Variants in USP49 observed in about 807,000 individuals in gnomAD.
USP49 encodes ubiquitin specific peptidase 49.
A neutral mutation model predicts 58.6 loss-of-function variants in USP49; 24 were observed. That is an observed-to-expected ratio of 0.41 (90% CI 0.30 to 0.58). The LOEUF (loss-of-function observed/expected upper bound fraction) is 0.58, where lower values mean the gene tolerates loss of function less well. Among genes scored for constraint, USP49 ranks in the 20% least tolerant of loss-of-function variants. The probability of loss-of-function intolerance (pLI) is 0.30; values close to 1 mark genes in which losing one functional copy is unlikely to be tolerated. For synonymous variants in USP49, 408 were observed against 365.1 expected (o/e 1.12, Z -1.34); for missense variants, 703 against 866.1 (o/e 0.81, Z 2.36).
intron 3 of USP49, among the ~76,000 whole-genome samples, chr6:41,853,318 C>T (rs1336098519): frequency 2.0e-5 from 3 of 152,072 alleles, no homozygotes; most frequent in Non-Finnish European, 4.4e-5. Context: ...TATGAGGTAT[C>T]TAAAGAAGTC....
intron 3 of USP49, among the ~76,000 whole-genome samples, chr6:41,857,607 G>A (rs1219169106): frequency 6.6e-6 from 1 of 152,152 alleles, no homozygotes; most frequent in Non-Finnish European, 1.5e-5. Context: ...CTTTAGCCTG[G>A]GCAACAGAGT....
intron 2 of USP49, among the ~76,000 whole-genome samples, chr6:41,885,424 A>G (rs1002641196): frequency 3.3e-5 from 5 of 152,234 alleles, no homozygotes; most frequent in Non-Finnish European, 7.3e-5. Flanking sequence ...AAGGAAAATA[A>G]TAGCAACCTG....
At chr6:41,891,436 T>C (rs1452096515) in intron 2 of USP49, among the ~76,000 whole-genome samples, 1 of 152,112 alleles carries the variant, frequency 6.6e-6, no homozygotes, top group Non-Finnish European at 1.5e-5. Context: ...ACCTGTAAAA[T>C]GAGAATAGTA....
At chr6:41,828,304 C>T (rs1773577057) in intron 3 of USP49, among the ~76,000 whole-genome samples, 1 of 152,022 alleles carries the variant, frequency 6.6e-6, no homozygotes, top group Admixed American at 6.6e-5. Context: ...AAAAAATTAG[C>T]CAGCCATGGT....
At chr6:41,831,994 C>T (rs750067699) in intron 3 of USP49, among the ~76,000 whole-genome samples, 6 of 152,204 alleles carry the variant, frequency 3.9e-5, no homozygotes, top group Non-Finnish European at 5.9e-5. Context: ...AAAGGCTTTT[C>T]CTGACCATTC....
Position 41,806,755 on chromosome 6 carries a change from A to G in USP49, c.229T>C (p.Tyr77His), listed in dbSNP as rs775582046. 1.7e-5 allele frequency: 27 copies of G among 1,614,118 alleles called. No individual in the cohort carries two copies. In the South Asian group the frequency reaches 2.9e-4, roughly 17 times the overall value. ...TTGAGCACGTAGTCCTTGCACAGGT[A>G]ACAGAACACGTAGAGATCCCGGACT... ...MEVRDLYVFC[Y>H]LCKDYVLNDN... Residue 77 changes from tyrosine to histidine, a missense_variant, in exon 4 of 8, where the codon TAC (tyrosine) becomes CAC (histidine). Transcript: ENST00000682992. This position sits in a 1 kb window ranked among gnomAD's most constrained non-coding sequence, Gnocchi z 5.9.
At chr6:41,840,097 G>A (rs1386464723) in intron 3 of USP49, among the ~76,000 whole-genome samples, 4 of 151,850 alleles carry the variant, frequency 2.6e-5, no homozygotes, top group African/African-American at 9.7e-5. Flanking sequence ...AAAATAGGCC[G>A]GGCACGGTGG....
At chr6:41,805,528 T>C (rs1773096683) in intron 4 of USP49, 100 bp downstream of exon 4, 1 of 1,279,306 alleles carries the variant, frequency 7.8e-7, no homozygotes, top group Admixed American at 2.3e-5. Flanking sequence ...TCACAGCAAA[T>C]GTGGGCTACT....
intron 2 of USP49, among the ~76,000 whole-genome samples, chr6:41,872,010 A>G (rs1317357905): frequency 6.6e-6 from 1 of 152,262 alleles, no homozygotes; most frequent in African/African-American, 2.4e-5. Context: ...ATCAAAAGCT[A>G]AAATTATTTT....
intron 7 of USP49, chr6:41,797,977 C>G (rs1374552327): frequency 3.8e-5 from 9 of 239,332 alleles, no homozygotes; most frequent in Non-Finnish European, 6.1e-5. Context: ...GAGCAATTCT[C>G]CCACCTCAGC....
chr6:41,821,378 C>G (rs1033178666), intron 3 of USP49, among the ~76,000 whole-genome samples: 35 of 152,328 alleles, frequency 2.3e-4, no homozygotes, highest in African/African-American at 8.2e-4. Flanking sequence ...CTGATTATCT[C>G]TGTCTTTGGA....
At chr6:41,872,887 C>CAG in intron 2 of USP49, 1 of 146,406 alleles carries the variant, frequency 6.8e-6, no homozygotes, top group Admixed American at 6.9e-5. Flanking sequence ...GCCTGGGCGA[C>CAG]AGAGAGAGAC....
chr6:41,872,740 T>C (rs968769464), intron 2 of USP49, among the ~76,000 whole-genome samples: 3 of 90,426 alleles, frequency 3.3e-5, no homozygotes, highest in African/African-American at 1.2e-4. Flanking sequence ...CTACTAAAAA[T>C]ACAAAAAAAA....
intron 3 of USP49, among the ~76,000 whole-genome samples, chr6:41,815,652 C>G (rs757464798): frequency 6.6e-6 from 1 of 152,108 alleles, no homozygotes; most frequent in Non-Finnish European, 1.5e-5. Flanking sequence ...CCTGGAGAGG[C>G]TGAATTCTCT....
chr6:41,804,024 A>G lies in USP49; in HGVS notation c.1357-14T>C. ...TATACATGTGACCTAGAATGAAAAGATTGATTTACAGATTATATAACTTCC... is the reference window on the plus strand; with the variant it reads ...TATACATGTGACCTAGAATGAAAAGGTTGATTTACAGATTATATAACTTCC... On this transcript the variant is annotated splice_polypyrimidine_tract_variant and intron_variant, in intron 4 of 7. Coordinates refer to ENST00000682992, the MANE Select transcript of USP49 (RefSeq NM_001286554.2). 1 of 1,610,900 alleles carries G rather than the reference A, an allele frequency of 6.2e-7. No individual in the cohort carries two copies. Among genetic ancestry groups the G allele is most frequent in the East Asian group, 2.2e-5 (1 of 44,876 alleles).
At chr6:41,825,280 A>C (rs1210653143) in intron 3 of USP49, among the ~76,000 whole-genome samples, 1 of 152,188 alleles carries the variant, frequency 6.6e-6, no homozygotes, top group Non-Finnish European at 1.5e-5. Flanking sequence ...GTAGCAGGAG[A>C]TGGAAAGCAG....
intron 5 of USP49, among the ~76,000 whole-genome samples, chr6:41,801,779 T>C (rs983665822): frequency 2.0e-5 from 3 of 152,230 alleles, no homozygotes; most frequent in Non-Finnish European, 4.4e-5. Flanking sequence ...ACTGACAGTT[T>C]TGAAACTTCA....
chr6:41,802,175 T>A (rs906294811), intron 5 of USP49, among the ~76,000 whole-genome samples: 1 of 151,714 alleles, frequency 6.6e-6, no homozygotes, highest in Admixed American at 6.6e-5. Flanking sequence ...CGAGCATAAC[T>A]TTGTGGTTTT....
intron 3 of USP49, among the ~76,000 whole-genome samples, chr6:41,820,032 A>G (rs1387220299): frequency 6.6e-6 from 1 of 152,248 alleles, no homozygotes; most frequent in Non-Finnish European, 1.5e-5. Context: ...TTTGCTCCAG[A>G]TTATCAGAAA....
Sources: gnomAD v4.1 joint callset for allele counts (sites outside exome capture counted in the v4.1 genomes callset) on GRCh38, gnomAD v4.1.1 for gene constraint, Gnocchi (gnomAD v3.1) non-coding constraint, MANE v1.5 for transcripts, NCBI Gene and HGNC (gene_info 2026-07-23, HGNC 2026-07-21) for gene names.